SLC30A4: variants seen among roughly 807,000 people sequenced by gnomAD.
The protein encoded by SLC30A4 is probable proton-coupled zinc antiporter SLC30A4.
Under a neutral mutation model 41.7 loss-of-function variants are expected in SLC30A4, and 20 were observed. That is an observed-to-expected ratio of 0.48 (90% confidence interval 0.34 to 0.70). SLC30A4 has a LOEUF of 0.70. Ranked by LOEUF, SLC30A4 falls within the 30% of genes least tolerant of loss-of-function variation. The probability of loss-of-function intolerance (pLI) is 0.01; values close to 1 mark genes in which losing one functional copy is unlikely to be tolerated. For synonymous variants in SLC30A4, 181 were observed against 195.9 expected (o/e 0.92, Z 0.64); for missense variants, 441 against 529.3 (o/e 0.83, Z 1.64).
At chr15:45,511,956 A>G (rs971664484) in intron 2 of SLC30A4, among the ~76,000 whole-genome samples, 17 of 152,236 alleles carry the variant, frequency 1.1e-4, no homozygotes, top group Admixed American at 2.0e-4. Flanking sequence ...AACAAAGCTG[A>G]AGAAAAGAAG....
intron 3 of SLC30A4, chr15:45,502,777 T>A (rs1341356243): frequency 6.6e-6 from 1 of 152,274 alleles, no homozygotes; most frequent in Non-Finnish European, 1.5e-5. Context: ...GAAGGATAGC[T>A]TGAAGCTAGG....
chr15:45,509,428 A>AT (rs1467200339), intron 3 of SLC30A4, among the ~76,000 whole-genome samples: 5 of 151,750 alleles, frequency 3.3e-5, no homozygotes, highest in African/African-American at 1.2e-4. Context: ...TAATTTCTGT[A>AT]TTTTTAGTAG....
In SLC30A4 at chr15:45,485,301, AGAT is replaced by A. The variant is rs1483234471; in HGVS notation, c.1149_1151del (p.Ser384del). 3 of 1,609,214 alleles carry A rather than the reference AGAT, an allele frequency of 1.9e-6. No homozygotes were observed. The highest frequency in any genetic ancestry group is 2.5e-6 in the Non-Finnish European group (3 of 1,177,490). The stretch of plus-strand genomic sequence containing the variant: ...CTTTGGACTGTACTTCCTCCCATTT[AGAT>A]GAACTTCCAGGAACTGCAATGTCAA... On this transcript the variant is annotated inframe_deletion, in exon 8 of 8. Coordinates refer to ENST00000261867, the MANE Select transcript of SLC30A4 (RefSeq NM_013309.6).
chr15:45,495,560 C>T (rs1215896356), intron 3 of SLC30A4, among the ~76,000 whole-genome samples: 2 of 152,220 alleles, frequency 1.3e-5, no homozygotes, highest in Non-Finnish European at 2.9e-5. Context: ...GCAAATCCCA[C>T]ACTCCAGTGA....
intron 3 of SLC30A4, chr15:45,503,107 T>C (rs1892074808): frequency 6.6e-6 from 1 of 152,142 alleles, no homozygotes; most frequent in African/African-American, 2.4e-5. Flanking sequence ...TGTAATATAC[T>C]TTTATTGAAT....
intron 3 of SLC30A4, among the ~76,000 whole-genome samples, chr15:45,506,809 C>T (rs1892165171): frequency 6.6e-6 from 1 of 152,138 alleles, no homozygotes; most frequent in African/African-American, 2.4e-5. Flanking sequence ...CCCTCCCTTT[C>T]ATTTTTTTAG....
At chr15:45,515,177 G>A (rs1265082973) in intron 2 of SLC30A4, among the ~76,000 whole-genome samples, 3 of 151,570 alleles carry the variant, frequency 2.0e-5, no homozygotes, top group African/African-American at 7.3e-5. Flanking sequence ...GCATGACACC[G>A]TGCTTGGCTT....
At chr15:45,512,316 G>A (rs907363013) in intron 2 of SLC30A4, 4 of 152,206 alleles carry the variant, frequency 2.6e-5, no homozygotes, top group African/African-American at 9.6e-5. Flanking sequence ...GATTCGGTAG[G>A]TCTGGGATGG....
chr15:45,516,398 C>T (rs1691692082), intron 2 of SLC30A4, among the ~76,000 whole-genome samples: 1 of 152,214 alleles, frequency 6.6e-6, no homozygotes, highest in South Asian at 2.1e-4. Context: ...GTAGTATAAA[C>T]TGTGATGGTT....
Position 45,487,568 on chromosome 15 carries a change from G to T in SLC30A4, c.959C>A (p.Thr320Lys). The T allele has an allele frequency of 6.4e-7, 1 of 1,571,168 alleles. No homozygotes were observed. Among genetic ancestry groups the T allele is most frequent in the Non-Finnish European group, 8.8e-7 (1 of 1,141,768 alleles). Reference protein sequence around the residue: ...YVFSLLVAFTTFRIIWDTVVI... With the variant: ...YVFSLLVAFTKFRIIWDTVVI... ...TACTGTATCCCATATGATTCGAAAT[G>T]TTGTAAAAGCCACAAGTAATGAAAA... The change falls in exon 6 of 8, where the codon ACA becomes AAA. Residue 320 changes from threonine (T) to lysine (K), a missense_variant. Physicochemically the swap from Thr to Lys is moderately conservative, Grantham distance 78. Around this residue, in one of 3 missense-constraint regions of SLC30A4, gnomAD observed 29 missense variants for 66.4 expected, o/e 0.44. Coordinates refer to ENST00000261867, the MANE Select transcript of SLC30A4 (RefSeq NM_013309.6).
intron 3 of SLC30A4, among the ~76,000 whole-genome samples, chr15:45,499,287 T>C (rs1007779180): frequency 6.6e-6 from 1 of 152,098 alleles, no homozygotes; most frequent in Non-Finnish European, 1.5e-5. Flanking sequence ...TTAGCCAGGA[T>C]GGTCTCAATC....
chr15:45,494,411 G>A (rs1250619799), intron 3 of SLC30A4, among the ~76,000 whole-genome samples: 1 of 152,202 alleles, frequency 6.6e-6, no homozygotes, highest in Non-Finnish European at 1.5e-5. Context: ...GAGGCTGGGT[G>A]CGGTAGCTCA....
chr15:45,519,051 T>C (rs1342620825), intron 2 of SLC30A4, among the ~76,000 whole-genome samples: 1 of 151,032 alleles, frequency 6.6e-6, no homozygotes, highest in Non-Finnish European at 1.5e-5. Flanking sequence ...TGGCTAATTT[T>C]TGTATTTTTA....
At chr15:45,487,655 T>A in intron 5 of SLC30A4, 23 bp from the exon 6 acceptor site, 1 of 1,111,978 alleles carries the variant, frequency 9.0e-7, no homozygotes, top group Non-Finnish European at 1.4e-6. Context: ...AGATCAAAAT[T>A]TATGATTAAA....
At chr15:45,519,707 A>C (rs1403161291) in intron 2 of SLC30A4, 1 of 152,268 alleles carries the variant, frequency 6.6e-6, no homozygotes, top group African/African-American at 2.4e-5. Flanking sequence ...TTTACCAAAT[A>C]ACAGATTTCA....
At chr15:45,518,538 C>T (rs1274946225) in intron 2 of SLC30A4, among the ~76,000 whole-genome samples, 1 of 152,114 alleles carries the variant, frequency 6.6e-6, no homozygotes, top group Non-Finnish European at 1.5e-5. Flanking sequence ...CCAACCAAGT[C>T]TATCTCAGCT....
At chr15:45,490,943 C>T in intron 3 of SLC30A4, 62 bp from the exon 4 acceptor site, 4 of 1,096,372 alleles carry the variant, frequency 3.6e-6, no homozygotes, top group Non-Finnish European at 5.1e-6. Flanking sequence ...TTCATACCAA[C>T]TAAATATTAT....
At chr15:45,500,132 GAGA>G (rs1399885193) in intron 3 of SLC30A4, among the ~76,000 whole-genome samples, 2 of 152,136 alleles carry the variant, frequency 1.3e-5, no homozygotes, top group East Asian at 3.8e-4. Flanking sequence ...CTGACTGGGG[GAGA>G]AGAACGGTAG....
intron 3 of SLC30A4, among the ~76,000 whole-genome samples, chr15:45,509,643 C>T (rs777628097): frequency 9.2e-5 from 14 of 151,868 alleles, no homozygotes; most frequent in East Asian, 1.9e-4. Context: ...GCTGAGAGTA[C>T]GGAGGGGTGG....
Sources: allele counts gnomAD v4.1 joint callset (sites outside exome capture counted in the v4.1 genomes callset), GRCh38; gene constraint gnomAD v4.1.1; regional missense constraint gnomAD v4.1.1; transcripts MANE v1.5; gene names NCBI Gene and HGNC (gene_info 2026-07-23, HGNC 2026-07-21).